ZCCHC24: variants seen among roughly 807,000 people sequenced by gnomAD.
ZCCHC24 encodes the protein zinc finger CCHC-type containing 24.
ZCCHC24 carries 10 observed loss-of-function variants against 26.2 expected under a neutral mutation model. The observed-to-expected ratio is 0.38, with a 90% CI of 0.24 to 0.65. The LOEUF (loss-of-function observed/expected upper bound fraction) is 0.65, where lower values mean the gene tolerates loss of function less well. Among genes scored for constraint, ZCCHC24 ranks in the 30% least tolerant of loss-of-function variants. ZCCHC24 has a pLI of 0.54. For synonymous variants in ZCCHC24, 144 were observed against 147.1 expected, an observed-to-expected ratio of 0.98 and a Z score of 0.15; for missense variants, 243 against 329.1, an observed-to-expected ratio of 0.74 and a Z score of 2.03.
At chr10:79,442,830 G>A (rs1365987966) in intron 1 of ZCCHC24, among the ~76,000 whole-genome samples, 4 of 152,178 alleles carry the variant, frequency 2.6e-5, no homozygotes, top group Non-Finnish European at 4.4e-5. Context: ...GGAAAGGCCT[G>A]TCCTCAGGAA....
intron 2 of ZCCHC24, among the ~76,000 whole-genome samples, chr10:79,399,980 G>A (rs1856608757): frequency 6.6e-6 from 1 of 152,320 alleles, no homozygotes; most frequent in East Asian, 1.9e-4. Flanking sequence ...GGGGGCCTTT[G>A]CCCTGGTCAG....
At chr10:79,396,484 CT>C (rs1411506348) in intron 2 of ZCCHC24, among the ~76,000 whole-genome samples, 2 of 152,200 alleles carry the variant, frequency 1.3e-5, no homozygotes, top group Non-Finnish European at 2.9e-5. Flanking sequence ...CACATCACCT[CT>C]GCTCCCACCA....
intron 2 of ZCCHC24, among the ~76,000 whole-genome samples, chr10:79,415,052 G>A (rs1356161431): frequency 6.6e-6 from 1 of 152,186 alleles, no homozygotes; most frequent in Admixed American, 6.5e-5. Context: ...CTGTCTCAGA[G>A]GACTTCTGCC....
chr10:79,411,434 G>A (rs1856790061), intron 2 of ZCCHC24, among the ~76,000 whole-genome samples: 1 of 152,200 alleles, frequency 6.6e-6, no homozygotes, highest in South Asian at 2.1e-4. Context: ...CAAGTTGCCT[G>A]CTGGGCCCCA....
intron 2 of ZCCHC24, among the ~76,000 whole-genome samples, chr10:79,431,078 C>T (rs192395044): frequency 1.3e-4 from 20 of 152,342 alleles, no homozygotes; most frequent in African/African-American, 4.6e-4. Context: ...GTCTCCTTAA[C>T]GGAGCTCAGT....
At chr10:79,431,953 C>A (rs901684698) in intron 2 of ZCCHC24, among the ~76,000 whole-genome samples, 13 of 152,196 alleles carry the variant, frequency 8.5e-5, no homozygotes, top group African/African-American at 2.9e-4. Context: ...CATACTGAAG[C>A]ATTGGATCAG....
chr10:79,423,219 G>A (rs1856970997), intron 2 of ZCCHC24, among the ~76,000 whole-genome samples: 1 of 152,050 alleles, frequency 6.6e-6, no homozygotes, highest in African/African-American at 2.4e-5. Context: ...AGGCACTTTT[G>A]CCTTTGTGGG....
At position 79,385,559 on chromosome 10, in the gene ZCCHC24, A is replaced by AC. The variant is rs1856377420; in HGVS notation, c.*785dup. The AC allele has an allele frequency of 6.6e-6, 1 of 152,188 alleles. No individual in the cohort carries two copies. Among genetic ancestry groups the AC allele is most frequent in the Non-Finnish European group, 1.5e-5 (1 of 68,072 alleles). 9.4% of individuals were successfully genotyped at this position (152,188 alleles called of 1,614,324 possible). ...ACTGGGCCCAGCTATCTTGATGTGG[A>AC]CCCCCAGAGTGGGTGGGAGGCAGAG... On this transcript the variant is annotated 3_prime_UTR_variant, in exon 4 of 4. Coordinates refer to ENST00000372336, the MANE Select transcript of ZCCHC24 (RefSeq NM_153367.4). This position sits in a 1 kb window ranked among gnomAD's most constrained non-coding sequence, Gnocchi z 4.3.
Position 79,395,956 on chromosome 10 carries a change from A to AC in ZCCHC24, c.448-1517dup, listed in dbSNP as rs759126319. On this transcript the variant is annotated intron_variant, in intron 2 of 3. Coordinates refer to ENST00000372336, the MANE Select transcript of ZCCHC24 (RefSeq NM_153367.4). ...ATCTAATTTTAGAATATTTTTATTGACCCCCCAAAAGTAGCCCTATACCCA... is the reference window on the plus strand; with the variant it reads ...ATCTAATTTTAGAATATTTTTATTGACCCCCCCAAAAGTAGCCCTATACCCA... Among the ~76,000 whole-genome samples the AC allele has an allele frequency of 3.9e-5, 6 of 152,156 alleles. No homozygotes were observed. In the South Asian group the frequency reaches 8.3e-4, roughly 21 times the overall value.
intron 1 of ZCCHC24, among the ~76,000 whole-genome samples, chr10:79,439,683 T>C (rs539993971): frequency 6.6e-6 from 1 of 150,874 alleles, no homozygotes; most frequent in East Asian, 2.0e-4. Context: ...TCCCAGCTAT[T>C]GGGGAGGCTG....
intron 3 of ZCCHC24, among the ~76,000 whole-genome samples, chr10:79,389,560 G>GTGTC (rs1856446413): frequency 6.6e-6 from 1 of 151,672 alleles, no homozygotes; most frequent in Admixed American, 6.6e-5. Flanking sequence ...GTGTGTGTGT[G>GTGTC]TGTGTGTCTG....
At chr10:79,422,128 C>T (rs1041856160) in intron 2 of ZCCHC24, among the ~76,000 whole-genome samples, 17 of 152,194 alleles carry the variant, frequency 1.1e-4, no homozygotes, top group Admixed American at 5.9e-4. Flanking sequence ...GAGGCTAGGT[C>T]CCCCAGCTGG....
chr10:79,421,015 G>A (rs558278971), intron 2 of ZCCHC24, among the ~76,000 whole-genome samples: 59 of 152,290 alleles, frequency 3.9e-4, no homozygotes, highest in Admixed American at 2.3e-3. Flanking sequence ...ACAAGGCGGC[G>A]CCAGGGGTGG....
Position 79,436,800 on chromosome 10 carries a change from T to G in ZCCHC24, c.247-4042A>C, listed in dbSNP as rs555614523. Among the ~76,000 whole-genome samples, 14 of 152,330 alleles carry G rather than the reference T, an allele frequency of 9.2e-5. No homozygotes were observed. In the South Asian group the frequency reaches 2.9e-3, roughly 32 times the overall value. On this transcript the variant is annotated intron_variant, in intron 1 of 3. Transcript: ENST00000372336. ...TAGATTAGGCTGCTCTGGGCACTGG[T>G]GCAGGGCAAAGCCACTTATGGGGTA...
intron 3 of ZCCHC24, among the ~76,000 whole-genome samples, chr10:79,391,680 A>T (rs1856481827): frequency 6.6e-6 from 1 of 150,692 alleles, no homozygotes; most frequent in African/African-American, 2.5e-5. Flanking sequence ...CTCCCAGGCC[A>T]CTTATCTGCC....
At chr10:79,426,206 AAT>A (rs1454085601) in intron 2 of ZCCHC24, among the ~76,000 whole-genome samples, 1 of 152,154 alleles carries the variant, frequency 6.6e-6, no homozygotes, top group East Asian at 1.9e-4. Flanking sequence ...CGTGGCAGTG[AAT>A]GCTTTAAGCT....
intron 2 of ZCCHC24, chr10:79,403,490 T>C (rs1269908289): frequency 2.0e-6 from 2 of 985,312 alleles, no homozygotes; most frequent in Non-Finnish European, 2.4e-6. Flanking sequence ...TCTGGGCAGC[T>C]GCAGGCTCCA....
chr10:79,421,626 A>G, intron 2 of ZCCHC24, among the ~76,000 whole-genome samples: 1 of 151,634 alleles, frequency 6.6e-6, no homozygotes. Flanking sequence ...TTTTATATTT[A>G]TTTATTCATT....
At position 79,394,420 on chromosome 10, in the gene ZCCHC24, G is replaced by A; in HGVS notation, c.468C>T (p.Gly156=). 1 of 1,614,178 alleles carries A rather than the reference G, an allele frequency of 6.2e-7. No individual in the cohort carries two copies. Among genetic ancestry groups the A allele is most frequent in the Non-Finnish European group, 8.5e-7 (1 of 1,180,002 alleles). The change falls in exon 3 of 4, where the codon GGC becomes GGT. Residue 156 remains glycine, a synonymous_variant. Coordinates refer to ENST00000372336, the MANE Select transcript of ZCCHC24 (RefSeq NM_153367.4). ...GCTTTTTGCCCTGGTATGGAGTCAG[G>A]CCCTCGCCTTTGGGGCGTGCCTACA... ...DCPQARPKGE[G]LTPYQGKKRC... is the part of the protein sequence containing the mutation.
Sources: gnomAD v4.1 joint callset for allele counts (sites outside exome capture counted in the v4.1 genomes callset) on GRCh38, gnomAD v4.1.1 for gene constraint, Gnocchi (gnomAD v3.1) non-coding constraint, MANE v1.5 for transcripts, NCBI Gene and HGNC (gene_info 2026-07-23, HGNC 2026-07-21) for gene names.